The following CDH13 variants were observed in gnomAD, a reference collection of about 807,000 sequenced individuals.
CDH13 encodes the protein cadherin 13.
CDH13 carries 24 observed loss-of-function variants against 63.8 expected under a neutral mutation model. That is an observed-to-expected ratio of 0.38 (90% CI 0.27 to 0.53). CDH13 has a LOEUF of 0.53. CDH13 is among the 20% of genes least tolerant of loss of function. The pLI is 0.85. For synonymous variants in CDH13, 503 were observed against 355.3 expected, an observed-to-expected ratio of 1.42 and a Z score of -4.67; for missense variants, 1,049 against 903.1, an observed-to-expected ratio of 1.16 and a Z score of -2.07.
rs140614262 is a variant in CDH13, at chr16:83,708,182, C to A, written c.1538+29721C>A. 9.2e-5 allele frequency among the ~76,000 whole-genome samples: 14 copies of A among 152,346 alleles called. No homozygotes were observed. The East Asian group carries it at 2.7e-3, about 29-fold the overall frequency. On this transcript the variant is annotated intron_variant, in intron 10 of 13. Coordinates refer to ENST00000567109, the MANE Select transcript of CDH13 (RefSeq NM_001257.5). ...AGCCACCGGGAGAACCAACACATCC[C>A]TGCAGACGACAAAAGCGTCCTTTTG...
At chr16:82,693,267 G>T (rs1228242514) in intron 1 of CDH13, among the ~76,000 whole-genome samples, 1 of 152,192 alleles carries the variant, frequency 6.6e-6, no homozygotes, top group African/African-American at 2.4e-5. Flanking sequence ...TTAACCCATG[G>T]TTGAATAAGT....
chr16:83,360,031 A>G lies in CDH13; in HGVS notation c.781+15025A>G, dbSNP rs551710140. Among the ~76,000 whole-genome samples, 7 of 152,354 alleles carry G rather than the reference A, an allele frequency of 4.6e-5. No homozygotes were observed. In the South Asian group the frequency reaches 1.2e-3, roughly 27 times the overall value. On this transcript the variant is annotated intron_variant, in intron 6 of 13. Coordinates refer to ENST00000567109, the MANE Select transcript of CDH13 (RefSeq NM_001257.5). Reference sequence around the variant, plus strand: ...ATTTCATAGAGAGAGAGTACATAGTACGTGATCCTTTCTGCCTGGTTTATT... The same window carrying G: ...ATTTCATAGAGAGAGAGTACATAGTGCGTGATCCTTTCTGCCTGGTTTATT...
At chr16:82,966,558 C>T (rs1187313610) in intron 2 of CDH13, among the ~76,000 whole-genome samples, 1 of 152,220 alleles carries the variant, frequency 6.6e-6, no homozygotes, top group African/African-American at 2.4e-5. Flanking sequence ...CCAGATTGCT[C>T]TGATTCTAGA....
intron 6 of CDH13, among the ~76,000 whole-genome samples, chr16:83,424,665 CA>C (rs950734102): frequency 1.3e-5 from 2 of 152,140 alleles, no homozygotes; most frequent in African/African-American, 4.8e-5. Context: ...AATGGTTTTG[CA>C]AGAATGAAAA....
chr16:83,727,516 A>G (rs1419107373), intron 10 of CDH13, among the ~76,000 whole-genome samples: 1 of 151,752 alleles, frequency 6.6e-6, no homozygotes, highest in Admixed American at 6.6e-5. Flanking sequence ...CACCTGTTCC[A>G]GAGATCACCA....
chr16:83,629,042 A>G (rs1910560003), intron 8 of CDH13, among the ~76,000 whole-genome samples: 1 of 152,198 alleles, frequency 6.6e-6, no homozygotes, highest in African/African-American at 2.4e-5. Flanking sequence ...GCTGGCCTAT[A>G]AAAGCTCTCT....
At chr16:83,316,301 C>G (rs951131578) in intron 5 of CDH13, among the ~76,000 whole-genome samples, 3 of 152,170 alleles carry the variant, frequency 2.0e-5, no homozygotes, top group Admixed American at 1.3e-4. Flanking sequence ...GACCATATCA[C>G]ACATACACAC....
chr16:83,066,154 G>C (rs2031992403), intron 3 of CDH13, among the ~76,000 whole-genome samples: 1 of 152,178 alleles, frequency 6.6e-6, no homozygotes, highest in East Asian at 1.9e-4. Context: ...ATTTGAATGT[G>C]GCACCTGTCT....
intron 1 of CDH13, among the ~76,000 whole-genome samples, chr16:82,672,152 T>G (rs992084480): frequency 2.6e-5 from 4 of 152,222 alleles, no homozygotes; most frequent in African/African-American, 9.7e-5. Flanking sequence ...AACTGTGAGT[T>G]TGAGCAAGGT....
At chr16:83,443,727 AAAAAAAAAATATATATAT>A (rs2072563076) in intron 6 of CDH13, among the ~76,000 whole-genome samples, 1 of 5,398 alleles carries the variant, frequency 1.9e-4, no homozygotes, top group African/African-American at 3.5e-4. Context: ...AAAAAAAAAA[AAAAAAAAAATATATATAT>A]ATATATATAT....
At chr16:83,548,749 G>C (rs1015991607) in intron 7 of CDH13, among the ~76,000 whole-genome samples, 1 of 151,884 alleles carries the variant, frequency 6.6e-6, no homozygotes, top group Non-Finnish European at 1.5e-5. Context: ...TGTTAATGAA[G>C]TTTCCAGCCA....
chr16:82,945,503 G>A (rs10492865), intron 2 of CDH13, among the ~76,000 whole-genome samples: 9,821 of 152,242 alleles, frequency 0.065, 476 homozygotes, highest in East Asian at 0.16. Context: ...TAGTTTCTAC[G>A]AGGATGGAAG....
At chr16:82,727,204 A>G (rs981162318) in intron 1 of CDH13, among the ~76,000 whole-genome samples, 5 of 152,204 alleles carry the variant, frequency 3.3e-5, no homozygotes, top group African/African-American at 1.2e-4. Context: ...ATTTTCTTCC[A>G]TTGTTCTCCT....
chr16:82,670,086 C>T (rs3893934), intron 1 of CDH13, among the ~76,000 whole-genome samples: 35,388 of 152,116 alleles, frequency 0.23, 4,171 homozygotes, highest in East Asian at 0.32. Context: ...TGAGATTCTG[C>T]CGGGGTTTCT....
intron 7 of CDH13, among the ~76,000 whole-genome samples, chr16:83,569,952 G>C (rs1197773075): frequency 6.6e-6 from 1 of 152,102 alleles, no homozygotes; most frequent in African/African-American, 2.4e-5. Context: ...GGCCAGGTTG[G>C]TCTCGAACTC....
chr16:83,495,124 T>G (rs2074104957), intron 7 of CDH13, among the ~76,000 whole-genome samples: 1 of 152,178 alleles, frequency 6.6e-6, no homozygotes, highest in Non-Finnish European at 1.5e-5. Flanking sequence ...GAACCAAATA[T>G]GAGTGACCAT....
Position 83,493,787 on chromosome 16 carries a change from A to T in CDH13, c.960+7132A>T, listed in dbSNP as rs137907078. On this transcript the variant is annotated intron_variant, in intron 7 of 13. Coordinates refer to ENST00000567109, the MANE Select transcript of CDH13 (RefSeq NM_001257.5). ...TAAACACAGCTCTGTTCAACACAGCATTCACAGAGCTGTGACTTGGACAGA... is the reference window on the plus strand; with the variant it reads ...TAAACACAGCTCTGTTCAACACAGCTTTCACAGAGCTGTGACTTGGACAGA... 3.1e-3 allele frequency among the ~76,000 whole-genome samples: 466 copies of T among 152,364 alleles called. 9 individuals are homozygous for T. The highest frequency in any genetic ancestry group is 0.011 in the African/African-American group (442 of 41,588).
intron 6 of CDH13, among the ~76,000 whole-genome samples, chr16:83,394,094 G>A (rs949948337): frequency 5.3e-5 from 8 of 152,130 alleles, no homozygotes; most frequent in African/African-American, 1.7e-4. Context: ...CTACTTGAGG[G>A]TGGAGGTTGG....
intron 8 of CDH13, among the ~76,000 whole-genome samples, chr16:83,608,377 G>GTTT (rs1326508651): frequency 6.6e-6 from 1 of 152,206 alleles, no homozygotes; most frequent in African/African-American, 2.4e-5. Context: ...TTCACATCAG[G>GTTT]TTATCAAATG....
Sources: allele counts gnomAD v4.1 joint callset (sites outside exome capture counted in the v4.1 genomes callset), GRCh38; gene constraint gnomAD v4.1.1; transcripts MANE v1.5; gene names NCBI Gene and HGNC (gene_info 2026-07-23, HGNC 2026-07-21).